Variants in PTTG1IP2 observed in about 807,000 individuals in gnomAD.
PTTG1IP2 encodes PTTG1IP family member 2.
chr7:90,495,287 T>C lies in PTTG1IP2; in HGVS notation c.*50+857T>C, dbSNP rs1308708866. ...CGACACTCAGTAAGTTCTTAATAAG[T>C]GTCACTTGTTACTACTGTAATCACA... On this transcript the variant is annotated intron_variant, in intron 6 of 6. Transcript: ENST00000509356. Among the ~76,000 whole-genome samples, 3 of 152,174 alleles carry C rather than the reference T, an allele frequency of 2.0e-5. No individual in the cohort carries two copies. In the South Asian group the frequency reaches 6.2e-4, roughly 32 times the overall value.
chr7:90,510,337 G>A (rs555730330), intron 6 of PTTG1IP2, among the ~76,000 whole-genome samples: 1 of 152,346 alleles, frequency 6.6e-6, no homozygotes, highest in Non-Finnish European at 1.5e-5. Context: ...TTATAATTTT[G>A]TGGTAGCACA....
intron 2 of PTTG1IP2, among the ~76,000 whole-genome samples, chr7:90,486,106 C>G (rs1322966702): frequency 6.6e-6 from 1 of 152,146 alleles, no homozygotes; most frequent in Non-Finnish European, 1.5e-5. Flanking sequence ...TACGCAGTGT[C>G]TAAGGGGTGG....
At chr7:90,500,304 G>T (rs1798048061) in intron 6 of PTTG1IP2, among the ~76,000 whole-genome samples, 1 of 152,162 alleles carries the variant, frequency 6.6e-6, no homozygotes, top group African/African-American at 2.4e-5. Flanking sequence ...ATAAGGCATT[G>T]AAACACACTA....
At chr7:90,470,357 G>T (rs1393133964) in intron 1 of PTTG1IP2, 1 of 152,062 alleles carries the variant, frequency 6.6e-6, no homozygotes, top group Non-Finnish European at 1.5e-5. Flanking sequence ...ACTTCAGTTT[G>T]GAGGCCTCTC....
chr7:90,487,903 A>C (rs992782512), intron 3 of PTTG1IP2, among the ~76,000 whole-genome samples: 1 of 152,162 alleles, frequency 6.6e-6, no homozygotes, highest in Non-Finnish European at 1.5e-5. Flanking sequence ...GATATATTAT[A>C]TCTAGAAACA....
At position 90,479,247 on chromosome 7, in the gene PTTG1IP2, T is replaced by A. The variant is rs1797789480; in HGVS notation, c.165T>A (p.Ser55Arg). The A allele has an allele frequency of 1.3e-5, 2 of 152,704 alleles. No homozygotes were observed. The highest frequency in any genetic ancestry group is 4.1e-4 in the South Asian group (2 of 4,828). 9.5% of individuals were successfully genotyped at this position (152,704 alleles called of 1,614,324 possible). The change falls in exon 2 of 7, where the codon AGT becomes AGA. Residue 55 changes from serine to arginine, a missense_variant. By Grantham distance (110) the Ser-to-Arg change is moderately radical (BLOSUM62 -1). Coordinates refer to ENST00000509356, the MANE Select transcript of PTTG1IP2 (RefSeq NM_001365443.2). ...GNEEECAVKK[S>R]CQLCTEDKKC... ...TTGTAGAATGTGCTGTAAAGAAGAG[T>A]TGTCAATTGTGCACAGAAGATAAGA...
intron 6 of PTTG1IP2, among the ~76,000 whole-genome samples, chr7:90,511,502 A>G (rs1798190167): frequency 6.6e-6 from 1 of 152,172 alleles, no homozygotes; most frequent in African/African-American, 2.4e-5. Flanking sequence ...CTTTTTCCGT[A>G]TGGTTGGTCT....
Position 90,472,241 on chromosome 7 carries a change from G to A in PTTG1IP2, c.145+2310G>A, listed in dbSNP as rs1797697754. ...AGAGCAACTATGTAAACCCTGCACA[G>A]CAAAATAAAGAAATAAAGGAGTATA... On this transcript the variant is annotated intron_variant, in intron 1 of 6. Transcript: ENST00000509356. Among the ~76,000 whole-genome samples, 7 of 149,692 alleles carry A rather than the reference G, an allele frequency of 4.7e-5. No homozygotes were observed. The South Asian group carries it at 1.1e-3, about 23-fold the overall frequency.
At chr7:90,497,521 G>T (rs1175663152) in intron 6 of PTTG1IP2, among the ~76,000 whole-genome samples, 1 of 137,946 alleles carries the variant, frequency 7.2e-6, no homozygotes, top group Non-Finnish European at 1.5e-5. Flanking sequence ...CCGAGATCGC[G>T]CCACTGCACT....
At chr7:90,505,990 CAAAAAAAAA>C (rs59521168) in intron 6 of PTTG1IP2, among the ~76,000 whole-genome samples, 26 of 77,356 alleles carry the variant, frequency 3.4e-4, no homozygotes, top group African/African-American at 1.1e-3. Flanking sequence ...GACTCCGTCT[CAAAAAAAAA>C]AAAAAAAAAA....
chr7:90,482,716 C>G (rs1236172612), intron 2 of PTTG1IP2, among the ~76,000 whole-genome samples: 1 of 152,006 alleles, frequency 6.6e-6, no homozygotes, highest in Non-Finnish European at 1.5e-5. Context: ...AATGATAAGA[C>G]TTGTCATAAG....
intron 1 of PTTG1IP2, among the ~76,000 whole-genome samples, chr7:90,477,911 C>A (rs926132993): frequency 6.6e-6 from 1 of 151,898 alleles, no homozygotes; most frequent in Admixed American, 6.6e-5. Context: ...TCCTGGCTAA[C>A]ATGGTGAAAC....
At chr7:90,500,204 ACT>A (rs1798046886) in intron 6 of PTTG1IP2, among the ~76,000 whole-genome samples, 2 of 152,086 alleles carry the variant, frequency 1.3e-5, no homozygotes. Flanking sequence ...ACAGAGGGAG[ACT>A]CTGTCTCAGA....
intron 6 of PTTG1IP2, among the ~76,000 whole-genome samples, chr7:90,510,449 A>G (rs1192839423): frequency 6.6e-6 from 1 of 152,194 alleles, no homozygotes; most frequent in Admixed American, 6.5e-5. Context: ...TAAATAAGGG[A>G]GAATCATGTA....
At position 90,509,113 on chromosome 7, in the gene PTTG1IP2, C is replaced by CTT. The variant is rs34626171; in HGVS notation, c.*51-4152_*51-4151dup. ...CCTTTATTTTGAAGGAATGTGAAGG[C>CTT]TTTTTTTTTTTTTTGGAGGGGCGGA... On this transcript the variant is annotated intron_variant, in intron 6 of 6. Transcript: ENST00000509356. Among the ~76,000 whole-genome samples, 1,267 of 136,530 alleles carry CTT rather than the reference C, an allele frequency of 9.3e-3. 25 individuals are homozygous for CTT. The highest frequency in any genetic ancestry group is 0.03 in the African/African-American group (1,113 of 36,834). The allele number at this position is 136,530 out of a possible 152,430, so 89.6% of individuals were successfully genotyped here.
In PTTG1IP2 at chr7:90,509,304, G is replaced by A. The variant is rs146278491; in HGVS notation, c.*51-3974G>A. Among the ~76,000 whole-genome samples, 12 of 152,196 alleles carry A rather than the reference G, an allele frequency of 7.9e-5. No individual in the cohort carries two copies. The East Asian group carries it at 2.3e-3, about 30-fold the overall frequency. On this transcript the variant is annotated intron_variant, in intron 6 of 6. Transcript: ENST00000509356. ...TGAGCACAGATGAGAGCCCAAACAA[G>A]GGTGGTAGCACTGGAAACTGGGAAG...
At chr7:90,508,609 G>A (rs17864047) in intron 6 of PTTG1IP2, among the ~76,000 whole-genome samples, 19,118 of 152,164 alleles carry the variant, frequency 0.13, 1,357 homozygotes, top group Middle Eastern at 0.21. Flanking sequence ...AGGTGAGAAC[G>A]TAACAGCTGA....
intron 1 of PTTG1IP2, among the ~76,000 whole-genome samples, chr7:90,478,111 A>AAAAAAG (rs1562983898): frequency 1.3e-5 from 2 of 151,488 alleles, no homozygotes; most frequent in Non-Finnish European, 2.9e-5. Flanking sequence ...AAAAAAAAAA[A>AAAAAAG]AAAAAGAAAA....
chr7:90,488,046 G>T (rs1212012589), intron 3 of PTTG1IP2, among the ~76,000 whole-genome samples: 1 of 151,840 alleles, frequency 6.6e-6, no homozygotes, highest in Non-Finnish European at 1.5e-5. Flanking sequence ...TTGGACTTTT[G>T]GTACGTTATA....
Sources: allele counts gnomAD v4.1 joint callset (sites outside exome capture counted in the v4.1 genomes callset), GRCh38; gene constraint gnomAD v4.1.1; transcripts MANE v1.5; gene names NCBI Gene and HGNC (gene_info 2026-07-23, HGNC 2026-07-21).